Variants in MED27 observed in about 807,000 individuals in gnomAD.
MED27 encodes mediator of RNA polymerase II transcription subunit 27.
Under a neutral mutation model 38.2 loss-of-function variants are expected in MED27, and 30 were observed. The observed-to-expected ratio is 0.79, with a 90% CI of 0.59 to 1.07. MED27 has a LOEUF of 1.07. Ranked by LOEUF, MED27 falls within the 50% of genes least tolerant of loss-of-function variation. The probability of loss-of-function intolerance (pLI) is 0.00; values close to 1 mark genes in which losing one functional copy is unlikely to be tolerated. For missense variants in MED27, 289 were observed against 397.5 expected (o/e 0.73, Z 2.32); for synonymous variants, 122 against 153.5 (o/e 0.79, Z 1.52).
chr9:131,951,658 T>G (rs578082830), intron 3 of MED27, among the ~76,000 whole-genome samples: 2 of 152,318 alleles, frequency 1.3e-5, no homozygotes, highest in East Asian at 3.9e-4. Flanking sequence ...TTATGAGAAG[T>G]AAAGGAGTGA....
At chr9:132,065,385 C>T (rs535918144) in intron 2 of MED27, among the ~76,000 whole-genome samples, 51 of 152,300 alleles carry the variant, frequency 3.3e-4, no homozygotes, top group Admixed American at 2.5e-3. Context: ...AGAAGAGCGG[C>T]GGGCATCTCA....
intron 2 of MED27, among the ~76,000 whole-genome samples, chr9:132,030,895 A>C (rs1248860603): frequency 1.3e-5 from 2 of 152,258 alleles, no homozygotes; most frequent in Non-Finnish European, 2.9e-5. Context: ...ACAGAAAGAG[A>C]GGTCAACTAC....
At chr9:132,002,679 A>T (rs1832263951) in intron 3 of MED27, among the ~76,000 whole-genome samples, 1 of 152,204 alleles carries the variant, frequency 6.6e-6, no homozygotes, top group Admixed American at 6.5e-5. Flanking sequence ...TGGGAGGCTG[A>T]GGCAAGCGGA....
At chr9:131,874,250 C>G (rs1445654736) in intron 6 of MED27, among the ~76,000 whole-genome samples, 1 of 152,210 alleles carries the variant, frequency 6.6e-6, no homozygotes, top group African/African-American at 2.4e-5. Flanking sequence ...CAGGACTCAG[C>G]TCAGGGTCTT....
chr9:131,988,968 A>C (rs551894872), intron 3 of MED27, among the ~76,000 whole-genome samples: 1 of 152,280 alleles, frequency 6.6e-6, no homozygotes, highest in South Asian at 2.1e-4. Flanking sequence ...TACTTTAACC[A>C]AGTGCAGAAC....
chr9:131,996,025 T>C (rs1279911916), intron 3 of MED27, among the ~76,000 whole-genome samples: 1 of 152,182 alleles, frequency 6.6e-6, no homozygotes, highest in Non-Finnish European at 1.5e-5. Flanking sequence ...GATCCTGGTC[T>C]GCAAAGCCCA....
intron 6 of MED27, among the ~76,000 whole-genome samples, chr9:131,879,324 G>A (rs1287779932): frequency 1.3e-5 from 2 of 152,218 alleles, no homozygotes; most frequent in African/African-American, 4.8e-5. Context: ...GGTGGGGGGC[G>A]TGGCTTCCTG....
chr9:132,004,874 C>T (rs1204486770), intron 3 of MED27, among the ~76,000 whole-genome samples: 1 of 152,204 alleles, frequency 6.6e-6, no homozygotes. Flanking sequence ...ATTCATTCAA[C>T]CAACAGTGCA....
chr9:131,975,355 T>C (rs1048089332), intron 3 of MED27, among the ~76,000 whole-genome samples: 8 of 152,212 alleles, frequency 5.3e-5, no homozygotes, highest in African/African-American at 1.7e-4. Context: ...CCAGACCAAG[T>C]TACTATTCCT....
chr9:131,936,132 C>CAAA (rs748150201), intron 4 of MED27, among the ~76,000 whole-genome samples: 2 of 84,300 alleles, frequency 2.4e-5, no homozygotes, highest in African/African-American at 8.9e-5. Flanking sequence ...GACCCTGTCT[C>CAAA]AAAAAAAAAA....
chr9:131,980,804 G>C (rs1831717630), intron 3 of MED27, among the ~76,000 whole-genome samples: 3 of 151,770 alleles, frequency 2.0e-5, no homozygotes, highest in African/African-American at 7.3e-5. Context: ...CTGCTCCAGA[G>C]AGCCTTCTTA....
chr9:132,018,752 C>A (rs1236446588), intron 2 of MED27, among the ~76,000 whole-genome samples: 4 of 152,108 alleles, frequency 2.6e-5, no homozygotes, highest in Non-Finnish European at 5.9e-5. Context: ...TTTAAGAGAA[C>A]CTGACATTTG....
intron 5 of MED27, among the ~76,000 whole-genome samples, chr9:131,890,049 C>T (rs1839203417): frequency 6.6e-6 from 1 of 152,224 alleles, no homozygotes; most frequent in Non-Finnish European, 1.5e-5. Context: ...GACAATTCAA[C>T]ACATTAATTG....
intron 2 of MED27, among the ~76,000 whole-genome samples, chr9:132,066,550 G>C (rs1833813871): frequency 6.6e-6 from 1 of 152,266 alleles, no homozygotes; most frequent in Non-Finnish European, 1.5e-5. Context: ...TTCACCTGGA[G>C]AAGTCAGCAA....
chr9:131,916,262 G>A (rs1830286311), intron 4 of MED27, among the ~76,000 whole-genome samples: 1 of 152,170 alleles, frequency 6.6e-6, no homozygotes, highest in Non-Finnish European at 1.5e-5. Flanking sequence ...ATTTAATATA[G>A]CCCTGGAAGG....
chr9:132,001,049 A>G (rs919720350), intron 3 of MED27, among the ~76,000 whole-genome samples: 22 of 152,056 alleles, frequency 1.4e-4, no homozygotes, highest in African/African-American at 5.3e-4. Flanking sequence ...GCGGTGAGCT[A>G]TGATCACACC....
At chr9:132,073,880 AC>A in intron 2 of MED27, 1 of 1,197,936 alleles carries the variant, frequency 8.3e-7, no homozygotes, top group Non-Finnish European at 1.1e-6. Flanking sequence ...GGAAAGGCGG[AC>A]GTCTTAGTCT....
At chr9:131,943,736 CAG>C (rs930778288) in intron 3 of MED27, among the ~76,000 whole-genome samples, 78 of 152,288 alleles carry the variant, frequency 5.1e-4, no homozygotes, top group African/African-American at 1.8e-3. Flanking sequence ...AACCTGTTAA[CAG>C]GGTAATAACT....
chr9:131,978,712 T>C (rs1469949819), intron 3 of MED27, among the ~76,000 whole-genome samples: 1 of 152,206 alleles, frequency 6.6e-6, no homozygotes. Flanking sequence ...GAAAAATGAC[T>C]GTCCAAGCAT....
Sources: gnomAD v4.1 joint callset for allele counts (sites outside exome capture counted in the v4.1 genomes callset) on GRCh38, gnomAD v4.1.1 for gene constraint, MANE v1.5 for transcripts, NCBI Gene and HGNC (gene_info 2026-07-23, HGNC 2026-07-21) for gene names.